BUB1B: variants seen among roughly 807,000 people sequenced by gnomAD.
BUB1B encodes mitotic checkpoint serine/threonine-protein kinase BUB1 beta.
A neutral mutation model predicts 137.7 loss-of-function variants in BUB1B; 86 were observed. The observed-to-expected ratio is 0.62, with a 90% CI of 0.52 to 0.75. The LOEUF (loss-of-function observed/expected upper bound fraction) is 0.75, where lower values mean the gene tolerates loss of function less well. Ranked by LOEUF, BUB1B falls within the 30% of genes least tolerant of loss-of-function variation. The probability of loss-of-function intolerance (pLI) is 0.00; values close to 1 mark genes in which losing one functional copy is unlikely to be tolerated. For synonymous variants in BUB1B, 420 were observed against 417.9 expected (o/e 1.00, Z -0.06); for missense variants, 1,130 against 1,236.9 (o/e 0.91, Z 1.30).
chr15:40,205,072 G>A (rs1387515219), intron 14 of BUB1B, among the ~76,000 whole-genome samples: 5 of 150,164 alleles, frequency 3.3e-5, no homozygotes, highest in Non-Finnish European at 5.9e-5. Flanking sequence ...TCAGCCTCCC[G>A]AGTAGCTGGG....
Position 40,199,725 on chromosome 15 carries a change from C to A in BUB1B, c.1399C>A (p.Gln467Lys). 2 of 1,609,500 alleles carry A rather than the reference C, an allele frequency of 1.2e-6. No individual in the cohort carries two copies. Among genetic ancestry groups the A allele is most frequent in the South Asian group, 2.2e-5 (2 of 90,918 alleles). ...TACTCAGCAAGAAAGAACAGGTGAT[C>A]AGGTAATTTTTCTTTTTTCATACAC... Reference protein sequence around the residue: ...QTTQQERTGDQQEETMPTKET... With the variant: ...QTTQQERTGDKQEETMPTKET... Residue 467 changes from glutamine to lysine, a missense_variant and splice_region_variant, in exon 10 of 23, where the codon CAG (glutamine) becomes AAG (lysine). Physicochemically the swap from Gln to Lys is moderately conservative, Grantham distance 53 (BLOSUM62 1). Coordinates refer to ENST00000287598, the MANE Select transcript of BUB1B (RefSeq NM_001211.6).
chr15:40,210,240 C>G, intron 18 of BUB1B, 30 bp downstream of exon 18: 2 of 1,493,020 alleles, frequency 1.3e-6, no homozygotes, highest in Non-Finnish European at 1.9e-6. Context: ...ATTTCAGTTA[C>G]TTTGTAAATA....
chr15:40,199,904 A>AT (rs1254679483), intron 10 of BUB1B, 177 bp downstream of exon 10: 11 of 623,592 alleles, frequency 1.8e-5, no homozygotes, highest in Non-Finnish European at 3.1e-5. Context: ...TTCAAATGGA[A>AT]TTTGTGGCAT....
At chr15:40,176,417 A>C in intron 4 of BUB1B, 60 bp from the exon 5 acceptor site, 1 of 1,451,504 alleles carries the variant, frequency 6.9e-7, no homozygotes, top group Non-Finnish European at 9.7e-7. Flanking sequence ...ATTGTTTGGC[A>C]ACTAATAGGC....
At position 40,162,195 on chromosome 15, in the gene BUB1B, A is replaced by G. The variant is rs77502813; in HGVS notation, c.35+940A>G. On this transcript the variant is annotated intron_variant, in intron 1 of 22. Transcript: ENST00000287598. ...AGGAATCTCAAAAGCTAGAGGTTCTATATCTGAGGAGAGTACAAAGGCTGA... is the reference window on the plus strand; with the variant it reads ...AGGAATCTCAAAAGCTAGAGGTTCTGTATCTGAGGAGAGTACAAAGGCTGA... 5.7e-3 allele frequency among the ~76,000 whole-genome samples: 874 copies of G among 152,338 alleles called. 4 individuals carry two copies. Among genetic ancestry groups the G allele is most frequent in the Non-Finnish European group, 8.9e-3 (605 of 68,032 alleles).
chr15:40,193,718 AC>A (rs1362814542), intron 8 of BUB1B, among the ~76,000 whole-genome samples: 2 of 151,436 alleles, frequency 1.3e-5, no homozygotes, highest in South Asian at 4.2e-4. Context: ...ACATGGCAAA[AC>A]CCCATCTCTA....
chr15:40,185,290 C>T lies in BUB1B; in HGVS notation c.877C>T (p.Gln293Ter), dbSNP rs2140890776. Residue 293 changes from glutamine to a stop codon, truncating the protein, a stop_gained, in exon 7 of 23, where the codon CAG (glutamine) becomes TAG (stop). Coordinates refer to ENST00000287598, the MANE Select transcript of BUB1B (RefSeq NM_001211.6). LOFTEE classifies it high-confidence loss of function. ...AGCAGAGTTGTCTAAGCCTACAGTC[C>T]AGCCATGGATAGCACCCCCCATGCC... ...STAELSKPTV[Q>*]PWIAPPMPRA... 6.2e-7 allele frequency: 1 copy of T among 1,614,130 alleles called. No individual in the cohort carries two copies. Among genetic ancestry groups the T allele is most frequent in the Non-Finnish European group, 8.5e-7 (1 of 1,180,038 alleles).
intron 16 of BUB1B, 124 bp from the exon 17 acceptor site, chr15:40,209,511 A>T (rs2037682313): frequency 9.2e-7 from 1 of 1,086,580 alleles, no homozygotes; most frequent in South Asian, 1.3e-5. Flanking sequence ...AGGTGAGTGT[A>T]GTTAAATTAA....
intron 4 of BUB1B, among the ~76,000 whole-genome samples, chr15:40,176,155 T>C (rs1193150820): frequency 3.9e-5 from 6 of 152,138 alleles, no homozygotes; most frequent in Non-Finnish European, 8.8e-5. Flanking sequence ...CTTGTTATGT[T>C]GCCCAGGCTT....
chr15:40,179,988 ATC>A (rs71132147), intron 5 of BUB1B, among the ~76,000 whole-genome samples: 27 of 142,508 alleles, frequency 1.9e-4, no homozygotes, highest in Non-Finnish European at 3.1e-4. Flanking sequence ...ATATATATAT[ATC>A]TCTTAAATAA....
chr15:40,198,695 C>A (rs2037528374), intron 9 of BUB1B, among the ~76,000 whole-genome samples: 1 of 152,162 alleles, frequency 6.6e-6, no homozygotes, highest in Admixed American at 6.5e-5. Context: ...ATCTCCTGAG[C>A]CTCCTTAGTG....
chr15:40,213,253 A>G lies in BUB1B; in HGVS notation c.2536-79A>G, dbSNP rs186967042. The G allele has an allele frequency of 3.3e-6, 5 of 1,512,162 alleles. No homozygotes were observed. The African/African-American group carries it at 4.1e-5, about 12-fold the overall frequency. 93.7% of individuals were successfully genotyped at this position (1,512,162 alleles called of 1,614,324 possible). A position where few individuals can be genotyped will look rare whatever the true frequency, so the allele number is the denominator to read the frequency against. On this transcript the variant is annotated intron_variant, in intron 19 of 22. Transcript: ENST00000287598. ...TAGAGAACAAGGAAGACTACAAACC[A>G]TCAGTTTTCAAGGTATTGAGTATAA... is the stretch of plus-strand genomic sequence containing the variant.
Position 40,220,691 on chromosome 15 carries a change from AG to A in BUB1B, c.3086del (p.Ser1029IlefsTer3). 1 of 1,614,240 alleles carries A rather than the reference AG, an allele frequency of 6.2e-7. No individual in the cohort carries two copies. The highest frequency in any genetic ancestry group is 8.5e-7 in the Non-Finnish European group (1 of 1,180,048). ...TGGGGTTTTTGACACTACATTCCAA[AG>A]TCACCTGAACAAAGCCTTATGGAAG... is the stretch of plus-strand genomic sequence containing the variant. ...MNGVFDTTFQ[S>X]HLNKALWKVG... On this transcript the variant is annotated frameshift_variant, in exon 23 of 23. Coordinates refer to ENST00000287598, the MANE Select transcript of BUB1B (RefSeq NM_001211.6). LOFTEE classifies it high-confidence loss of function.
chr15:40,189,046 C>T (rs1021092107), intron 8 of BUB1B, among the ~76,000 whole-genome samples: 2 of 152,162 alleles, frequency 1.3e-5, no homozygotes, highest in Non-Finnish European at 2.9e-5. Context: ...CGATTCCCCA[C>T]CATTACCCCA....
chr15:40,213,391 C>A lies in BUB1B; in HGVS notation c.2595C>A (p.Asn865Lys). ...THEITVLIIY[N>K]LLTIVEMLHK... ...AAATAACAGTGTTGATTATTTATAA[C>A]CTTTTGACAATAGTGGAGATGCTAC... is the stretch of plus-strand genomic sequence containing the variant. Residue 865 changes from asparagine (N) to lysine (K), a missense_variant, in exon 20 of 23, where the codon AAC becomes AAA. Asn to Lys is a moderately conservative substitution (Grantham distance 94, BLOSUM62 0). Coordinates refer to ENST00000287598, the MANE Select transcript of BUB1B (RefSeq NM_001211.6). The A allele has an allele frequency of 1.2e-6, 2 of 1,613,802 alleles. No individual in the cohort carries two copies. Among genetic ancestry groups the A allele is most frequent in the Non-Finnish European group, 1.7e-6 (2 of 1,179,722 alleles).
chr15:40,183,576 A>C, intron 5 of BUB1B, 138 bp from the exon 6 acceptor site: 2 of 788,198 alleles, frequency 2.5e-6, no homozygotes, highest in South Asian at 1.5e-5. Context: ...TTCTGAGAGA[A>C]TAAACATGTT....
chr15:40,174,391 A>G (rs1230459933), intron 4 of BUB1B, among the ~76,000 whole-genome samples: 2 of 152,380 alleles, frequency 1.3e-5, no homozygotes, highest in African/African-American at 4.8e-5. Flanking sequence ...ATATAAATAA[A>G]ACATTCCATT....
At chr15:40,161,437 G>T (rs2037041787) in intron 1 of BUB1B, among the ~76,000 whole-genome samples, 182 bp downstream of exon 1, 1 of 152,290 alleles carries the variant, frequency 6.6e-6, no homozygotes, top group Non-Finnish European at 1.5e-5. Context: ...TGGACTGAGG[G>T]CACGTGCGAA....
chr15:40,209,603 G>C (rs1566827497), intron 16 of BUB1B, 32 bp from the exon 17 acceptor site: 2 of 1,613,486 alleles, frequency 1.2e-6, no homozygotes, highest in Admixed American at 1.7e-5. Context: ...TTTTTTTGGT[G>C]ATATATTTTC....
Sources: allele counts gnomAD v4.1 joint callset (sites outside exome capture counted in the v4.1 genomes callset), GRCh38; gene constraint gnomAD v4.1.1; transcripts MANE v1.5; gene names NCBI Gene and HGNC (gene_info 2026-07-23, HGNC 2026-07-21).